The following CCDC88C variants were observed in gnomAD, a reference collection of about 807,000 sequenced individuals.
The protein encoded by CCDC88C is coiled-coil and HOOK domain protein 88C, also known as protein Daple.
A neutral mutation model predicts 198.8 loss-of-function variants in CCDC88C; 131 were observed. The ratio of observed to expected loss-of-function variants is 0.66; its 90% CI spans 0.57 to 0.76. CCDC88C has a LOEUF of 0.76. Among genes scored for constraint, CCDC88C ranks in the 30% least tolerant of loss-of-function variants. The pLI is 0.00. For missense variants in CCDC88C, 2,553 were observed against 2,631.6 expected (o/e 0.97, Z 0.65); for synonymous variants, 1,166 against 1,114.7 (o/e 1.05, Z -0.92).
intron 10 of CCDC88C, among the ~76,000 whole-genome samples, chr14:91,326,458 C>T (rs1892588480): frequency 6.6e-6 from 1 of 152,184 alleles, no homozygotes; most frequent in South Asian, 2.1e-4. Flanking sequence ...GGTGATCCAC[C>T]TGCCTCGGCC....
At chr14:91,409,919 T>A (rs567580978) in intron 2 of CCDC88C, among the ~76,000 whole-genome samples, 1 of 152,378 alleles carries the variant, frequency 6.6e-6, no homozygotes, top group Admixed American at 6.5e-5. Flanking sequence ...ACAAAAATCC[T>A]ATCTTGAGAA....
intron 3 of CCDC88C, among the ~76,000 whole-genome samples, chr14:91,369,039 G>A (rs1365172781): frequency 5.9e-5 from 9 of 152,356 alleles, no homozygotes; most frequent in Admixed American, 3.3e-4. Flanking sequence ...GGAGGGAACA[G>A]CCGCAGCACA....
At chr14:91,336,112 T>G (rs1893031492) in intron 10 of CCDC88C, among the ~76,000 whole-genome samples, 1 of 152,220 alleles carries the variant, frequency 6.6e-6, no homozygotes, top group Admixed American at 6.5e-5. Context: ...ATGGTAATTT[T>G]CCACTATGAA....
intron 23 of CCDC88C, among the ~76,000 whole-genome samples, chr14:91,293,204 C>G (rs73336442): frequency 0.47 from 42,532 of 90,696 alleles, 6,249 homozygotes; most frequent in Middle Eastern, 0.5. Context: ...CTTCCTGTCC[C>G]CTCACCTGCC....
chr14:91,392,774 A>G (rs996762850), intron 3 of CCDC88C, among the ~76,000 whole-genome samples: 8 of 149,708 alleles, frequency 5.3e-5, no homozygotes, highest in African/African-American at 2.0e-4. Flanking sequence ...CGCGCCCCTC[A>G]CTCTCACTGC....
At chr14:91,412,678 G>A (rs1458655273) in intron 2 of CCDC88C, among the ~76,000 whole-genome samples, 3 of 151,908 alleles carry the variant, frequency 2.0e-5, no homozygotes, top group South Asian at 2.1e-4. Flanking sequence ...CTTGTGATCC[G>A]CCCACCTCAG....
chr14:91,403,056 T>C (rs77984132), intron 3 of CCDC88C, among the ~76,000 whole-genome samples: 2,931 of 152,202 alleles, frequency 0.019, 51 homozygotes, highest in African/African-American at 0.044. Flanking sequence ...AACTGTAGCA[T>C]TTCAGGCCCA....
intron 3 of CCDC88C, among the ~76,000 whole-genome samples, chr14:91,361,559 T>C (rs1285809): frequency 0.32 from 47,922 of 152,042 alleles, 7,742 homozygotes; most frequent in Non-Finnish European, 0.35. Context: ...AGGTGTACTC[T>C]ACTCCTGAAC....
intron 3 of CCDC88C, among the ~76,000 whole-genome samples, chr14:91,391,450 T>TAC (rs1157340264): frequency 6.6e-6 from 1 of 152,188 alleles, no homozygotes. Flanking sequence ...CTGTACCCCT[T>TAC]ACACAAATAA....
chr14:91,370,487 C>T (rs181241204), intron 3 of CCDC88C, among the ~76,000 whole-genome samples: 125 of 152,332 alleles, frequency 8.2e-4, no homozygotes, highest in African/African-American at 2.4e-3. Flanking sequence ...TGTGGGCAGA[C>T]CTGTCTTATC....
intron 3 of CCDC88C, among the ~76,000 whole-genome samples, chr14:91,370,149 A>G (rs1054097546): frequency 6.6e-6 from 1 of 152,132 alleles, no homozygotes; most frequent in African/African-American, 2.4e-5. Flanking sequence ...TCTGCCTGTA[A>G]CCTACTGTGT....
At chr14:91,326,837 A>G (rs994066393) in intron 10 of CCDC88C, among the ~76,000 whole-genome samples, 4 of 152,246 alleles carry the variant, frequency 2.6e-5, no homozygotes, top group East Asian at 1.9e-4. Flanking sequence ...ACACTCTTAG[A>G]TAACAAAAGT....
chr14:91,324,831 G>A lies in CCDC88C; in HGVS notation c.1290C>T (p.Ala430=), dbSNP rs892106378. 6.2e-7 allele frequency: 1 copy of A among 1,613,536 alleles called. No homozygotes were observed. The highest frequency in any genetic ancestry group is 1.3e-5 in the African/African-American group (1 of 75,032). Reference sequence around the variant, plus strand: ...GCTGCTCCAGCTCCCAGCCAAGGTGGGCAGATTCGTTCATGCTCTGCTTCT... The same window carrying A: ...GCTGCTCCAGCTCCCAGCCAAGGTGAGCAGATTCGTTCATGCTCTGCTTCT... ...IAQKQSMNES[A]HLGWELEQLS... is the part of the protein sequence containing the mutation. Residue 430 remains alanine, a synonymous_variant, in exon 12 of 30, where the codon GCC becomes GCT. Coordinates refer to ENST00000389857, the MANE Select transcript of CCDC88C (RefSeq NM_001080414.4).
rs537096315 is a variant in CCDC88C, at chr14:91,289,136, C to T, written c.4410G>A (p.Glu1470=). ...CCACAGACCCGTTGTGGGCGTCGCG[C>T]TCTTCTGCACAGTTGGAGCCCAGTG... ...TPALGSNCAE[E]RDAHNGSVGK... is the part of the protein sequence containing the mutation. Residue 1470 remains glutamate, a synonymous_variant, in exon 25 of 30, where the codon GAG becomes GAA. Transcript: ENST00000389857. 6.3e-5 allele frequency: 101 copies of T among 1,613,402 alleles called. 2 individuals carry two copies. In the South Asian group the frequency reaches 1.0e-3, roughly 16 times the overall value.
intron 3 of CCDC88C, among the ~76,000 whole-genome samples, chr14:91,377,061 G>A (rs1340826390): frequency 6.8e-6 from 1 of 147,494 alleles, no homozygotes; most frequent in Non-Finnish European, 1.5e-5. Context: ...TGGTCTTGAA[G>A]AAAGGAGAAA....
intron 3 of CCDC88C, among the ~76,000 whole-genome samples, chr14:91,406,732 A>C (rs1022797575): frequency 6.6e-6 from 1 of 152,240 alleles, no homozygotes; most frequent in African/African-American, 2.4e-5. Flanking sequence ...CCAGGCCCTC[A>C]TCACAGATGC....
At chr14:91,302,204 G>A (rs756069857) in intron 20 of CCDC88C, among the ~76,000 whole-genome samples, 2 of 152,162 alleles carry the variant, frequency 1.3e-5, no homozygotes, top group Non-Finnish European at 1.5e-5. Context: ...GCTCCTGACC[G>A]TGGAGATGTC....
chr14:91,299,287 T>C (rs1217336450), intron 21 of CCDC88C, among the ~76,000 whole-genome samples: 3 of 152,228 alleles, frequency 2.0e-5, no homozygotes, highest in Non-Finnish European at 4.4e-5. Flanking sequence ...CTTAGGGACA[T>C]GAAACAGCAC....
At chr14:91,277,755 C>T (rs1185223278) in intron 29 of CCDC88C, among the ~76,000 whole-genome samples, 167 bp downstream of exon 29, 1 of 152,236 alleles carries the variant, frequency 6.6e-6, no homozygotes. Flanking sequence ...TGGCGGCTGG[C>T]TTGCGGTGAC....
Sources: allele counts gnomAD v4.1 joint callset (sites outside exome capture counted in the v4.1 genomes callset), GRCh38; gene constraint gnomAD v4.1.1; transcripts MANE v1.5; gene names NCBI Gene and HGNC (gene_info 2026-07-23, HGNC 2026-07-21).